The following SEPHS1 variants were observed in gnomAD, a reference collection of about 807,000 sequenced individuals.
The protein encoded by SEPHS1 is selenophosphate synthetase 1, also known as zincore component SEPHS1.
SEPHS1 carries 7 observed loss-of-function variants against 39.2 expected under a neutral mutation model. The ratio of observed to expected loss-of-function variants is 0.18; its 90% confidence interval spans 0.10 to 0.34. The LOEUF is 0.34. SEPHS1 is among the 10% of genes least tolerant of loss of function. The pLI, the probability that SEPHS1 is intolerant of heterozygous loss-of-function variation, is 1.00. For missense variants in SEPHS1, 253 were observed against 514.5 expected, an observed-to-expected ratio of 0.49 and a Z score of 4.92; for synonymous variants, 190 against 195.5, an observed-to-expected ratio of 0.97 and a Z score of 0.23.
chr10:13,339,869 C>T (rs1341819033), intron 2 of SEPHS1, among the ~76,000 whole-genome samples: 1 of 152,138 alleles, frequency 6.6e-6, no homozygotes, highest in Non-Finnish European at 1.5e-5. Flanking sequence ...ATGCAACCAT[C>T]CACTTCTTTC....
intron 6 of SEPHS1, among the ~76,000 whole-genome samples, chr10:13,328,907 G>A (rs532688753): frequency 2.4e-4 from 36 of 152,332 alleles, no homozygotes; most frequent in Admixed American, 1.9e-3. Context: ...AGGGGGAGGA[G>A]GGAAAAACTG....
Position 13,322,818 on chromosome 10 carries a change from C to T in SEPHS1, c.964+17G>A, listed in dbSNP as rs376160019. The T allele has an allele frequency of 9.9e-6, 16 of 1,608,448 alleles. No individual in the cohort carries two copies. Among genetic ancestry groups the T allele is most frequent in the African/African-American group, 2.7e-5 (2 of 74,814 alleles). ...AGCCTCACTATTTAGTCCTCAGATG[C>T]GCCCAGCATCCTGTACCTGAAGTCT... is the stretch of plus-strand genomic sequence containing the variant. On this transcript the variant is annotated intron_variant, in intron 8 of 8. Coordinates refer to ENST00000327347, the MANE Select transcript of SEPHS1 (RefSeq NM_012247.5).
At chr10:13,339,928 G>A (rs2130687904) in intron 2 of SEPHS1, among the ~76,000 whole-genome samples, 1 of 152,296 alleles carries the variant, frequency 6.6e-6, no homozygotes, top group Non-Finnish European at 1.5e-5. Context: ...CGAGGATTCT[G>A]CAGATACAGA....
intron 1 of SEPHS1, among the ~76,000 whole-genome samples, chr10:13,345,748 G>A (rs1197996613): frequency 1.3e-5 from 2 of 152,120 alleles, no homozygotes; most frequent in Admixed American, 6.5e-5. Flanking sequence ...GTGGTGGTGC[G>A]CACCTGTAAT....
intron 5 of SEPHS1, among the ~76,000 whole-genome samples, chr10:13,332,444 G>A (rs1833499998): frequency 6.6e-6 from 1 of 152,040 alleles, no homozygotes; most frequent in Non-Finnish European, 1.5e-5. Flanking sequence ...AGTGGTGATG[G>A]GTGCACAACC....
chr10:13,322,795 CCTCA>C (rs750920903), intron 8 of SEPHS1, 36 bp downstream of exon 8: 42 of 1,580,084 alleles, frequency 2.7e-5, no homozygotes, highest in Non-Finnish European at 3.5e-5. Flanking sequence ...TTTCTGTTAG[CCTCA>C]CTATTTAGTC....
intron 7 of SEPHS1, among the ~76,000 whole-genome samples, chr10:13,326,549 A>C (rs1003635497): frequency 4.2e-4 from 59 of 142,076 alleles, no homozygotes; most frequent in African/African-American, 1.5e-3. Context: ...CTGATCTATA[A>C]CTTTTTTTTT....
At chr10:13,329,927 G>A (rs753560698) in intron 5 of SEPHS1, 139 bp from the exon 6 acceptor site, 1 of 698,558 alleles carries the variant, frequency 1.4e-6, no homozygotes. Flanking sequence ...CTACCAGCAT[G>A]TATGGGACAG....
rs543228380 is a variant in SEPHS1 at position 13,344,676 on chromosome 10, T to C, written c.193+82A>G. On this transcript the variant is annotated intron_variant, in intron 2 of 8. Transcript: ENST00000327347. ...AAAAAAAGTAATAATAAAAAATAAA[T>C]AGGCAACATGGGAGGCGAGAAATCC... is the stretch of plus-strand genomic sequence containing the variant. The C allele has an allele frequency of 2.4e-4, 242 of 1,003,822 alleles. No individual in the cohort carries two copies. The African/African-American group carries it at 3.8e-3, about 16-fold the overall frequency. The allele number at this position is 1,003,822 out of a possible 1,614,324, so 62.2% of individuals were successfully genotyped here.
At chr10:13,342,783 C>T (rs1052722206) in intron 2 of SEPHS1, among the ~76,000 whole-genome samples, 2 of 151,588 alleles carry the variant, frequency 1.3e-5, no homozygotes, top group African/African-American at 2.4e-5. Flanking sequence ...TCTCCCAGGC[C>T]GCAGTACAGT....
chr10:13,345,845 C>G (rs1352892870), intron 1 of SEPHS1, among the ~76,000 whole-genome samples: 1 of 152,194 alleles, frequency 6.6e-6, no homozygotes, highest in Non-Finnish European at 1.5e-5. Context: ...CCACTGCACT[C>G]CAGCCTGGGC....
chr10:13,319,398 C>G (rs761742901), intron 8 of SEPHS1, 42 bp from the exon 9 acceptor site: 2 of 1,597,442 alleles, frequency 1.3e-6, no homozygotes, highest in Admixed American at 3.5e-5. Context: ...GTTGACATGA[C>G]AGCAGCTTCT....
In SEPHS1 at chr10:13,344,959, G is replaced by A. The variant is rs1833883999; in HGVS notation, c.-9C>T. The A allele has an allele frequency of 2.6e-6, 4 of 1,515,020 alleles. No individual in the cohort carries two copies. The highest frequency in any genetic ancestry group is 2.5e-5 in the East Asian group (1 of 40,580). 93.8% of individuals were successfully genotyped at this position (1,515,020 alleles called of 1,614,324 possible). A position where few individuals can be genotyped will look rare whatever the true frequency, so the allele number is the denominator to read the frequency against. On this transcript the variant is annotated 5_prime_UTR_variant, in exon 2 of 9. Transcript: ENST00000327347. ...GACTCCCGCGTAGACATGGTTCTTGGGCCCCGCTCTCCTCACAGCTCAGCC... is the reference window on the plus strand; with the variant it reads ...GACTCCCGCGTAGACATGGTTCTTGAGCCCCGCTCTCCTCACAGCTCAGCC...
At position 13,348,112 on chromosome 10, in the gene SEPHS1, CCGG is replaced by C. The variant is rs572185148; in HGVS notation, c.-194_-192del. 411 of 145,106 alleles carry C rather than the reference CCGG, an allele frequency of 2.8e-3. 14 individuals are homozygous for C. In the East Asian group the frequency reaches 0.07, roughly 25 times the overall value. 9.0% of individuals were successfully genotyped at this position (145,106 alleles called of 1,614,324 possible). On this transcript the variant is annotated 5_prime_UTR_variant, in exon 1 of 9. Coordinates refer to ENST00000327347, the MANE Select transcript of SEPHS1 (RefSeq NM_012247.5). Reference sequence around the variant, plus strand: ...CGTCGCCTGAATAAAAATGCCGCGCCCGGCGGCGGCGGCGGCGGCGGGGGCCCG... The same window carrying C: ...CGTCGCCTGAATAAAAATGCCGCGCCCGGCGGCGGCGGCGGCGGGGGCCCG...
chr10:13,335,120 A>C (rs1177141082), intron 4 of SEPHS1, among the ~76,000 whole-genome samples: 1 of 152,264 alleles, frequency 6.6e-6, no homozygotes, highest in African/African-American at 2.4e-5. Flanking sequence ...TGGGACAAAA[A>C]CAAGTACCTG....
intron 2 of SEPHS1, among the ~76,000 whole-genome samples, 176 bp downstream of exon 2, chr10:13,344,582 T>C (rs1833876198): frequency 6.6e-6 from 1 of 152,200 alleles, no homozygotes; most frequent in South Asian, 2.1e-4. Flanking sequence ...ACTAAAAGCC[T>C]AGTCTTCACC....
chr10:13,333,760 AAG>A (rs756360535), intron 5 of SEPHS1, 55 bp downstream of exon 5: 311 of 1,570,170 alleles, frequency 2.0e-4, no homozygotes, highest in Non-Finnish European at 2.4e-4. Context: ...AATTTTTAAA[AAG>A]AGAGGACAGA....
At chr10:13,336,170 C>A in intron 4 of SEPHS1, 73 bp downstream of exon 4, 1 of 1,031,068 alleles carries the variant, frequency 9.7e-7, no homozygotes. Context: ...AGATGGGAAA[C>A]CAAGTCTAAC....
At chr10:13,327,736 C>T (rs992082589) in intron 7 of SEPHS1, among the ~76,000 whole-genome samples, 9 of 152,088 alleles carry the variant, frequency 5.9e-5, no homozygotes, top group South Asian at 2.1e-4. Context: ...CCATAGCAGT[C>T]GCCCCAGTGT....
Sources: gnomAD v4.1 joint callset for allele counts (sites outside exome capture counted in the v4.1 genomes callset) on GRCh38, gnomAD v4.1.1 for gene constraint, MANE v1.5 for transcripts, NCBI Gene and HGNC (gene_info 2026-07-23, HGNC 2026-07-21) for gene names.